DNAJC21: variants seen among roughly 807,000 people sequenced by gnomAD.
The protein encoded by DNAJC21 is DnaJ heat shock protein family (Hsp40) member C21.
DNAJC21 carries 63 observed loss-of-function variants against 72.4 expected under a neutral mutation model. The ratio of observed to expected loss-of-function variants is 0.87; its 90% CI spans 0.71 to 1.07. The LOEUF is 1.07. Ranked by LOEUF, DNAJC21 falls within the 50% of genes least tolerant of loss-of-function variation. The probability of loss-of-function intolerance (pLI) is 0.00; values close to 1 mark genes in which losing one functional copy is unlikely to be tolerated. For synonymous variants in DNAJC21, 203 were observed against 216.7 expected (o/e 0.94, Z 0.56); for missense variants, 634 against 644.8 (o/e 0.98, Z 0.18).
chr5:34,952,364 C>G, intron 10 of DNAJC21: 2 of 603,004 alleles, frequency 3.3e-6, no homozygotes, highest in Non-Finnish European at 4.2e-6. Flanking sequence ...TGGCTGAATC[C>G]TACACAATAT....
chr5:34,949,064 C>T (rs963399286), intron 9 of DNAJC21, among the ~76,000 whole-genome samples: 8 of 152,144 alleles, frequency 5.3e-5, no homozygotes, highest in Non-Finnish European at 2.9e-5. Context: ...GATATTCACA[C>T]AGTCTCAGAG....
chr5:34,935,886 C>G (rs1204445714), intron 3 of DNAJC21, 53 bp downstream of exon 3: 1 of 1,605,416 alleles, frequency 6.2e-7, no homozygotes, highest in African/African-American at 1.3e-5. Context: ...CATTAAGACT[C>G]ACATACAAAG....
At chr5:34,939,391 G>A (rs1010712300) in intron 6 of DNAJC21, among the ~76,000 whole-genome samples, 4 of 151,830 alleles carry the variant, frequency 2.6e-5, no homozygotes, top group African/African-American at 4.8e-5. Context: ...TCAGCCTCCC[G>A]AGTAGCTGGG....
At chr5:34,932,802 A>G (rs1442586445) in intron 1 of DNAJC21, among the ~76,000 whole-genome samples, 3 of 152,222 alleles carry the variant, frequency 2.0e-5, no homozygotes. Context: ...TGCTCATGCT[A>G]TGGCAGCTGG....
Position 34,953,952 on chromosome 5 carries a change from C to T in DNAJC21, c.1385C>T (p.Thr462Ile). 1 of 1,611,436 alleles carries T rather than the reference C, an allele frequency of 6.2e-7. No homozygotes were observed. Among genetic ancestry groups the T allele is most frequent in the South Asian group, 1.1e-5 (1 of 90,298 alleles). The change falls in exon 11 of 12, where the codon ACC (threonine) becomes ATC (isoleucine). Residue 462 changes from threonine to isoleucine, a missense_variant. Physicochemically the swap from Thr to Ile is moderately conservative, Grantham distance 89. Transcript: ENST00000648817. ...GTTCCTAAACCCAAAGGAAAGAAAA[C>T]CAAAGATATGAAAAAACCTGTCAGA... Reference protein sequence around the residue: ...KSVPKPKGKKTKDMKKPVRVP... With the variant: ...KSVPKPKGKKIKDMKKPVRVP...
At position 34,938,950 on chromosome 5, in the gene DNAJC21, T is replaced by C. The variant is rs1764889148; in HGVS notation, c.836T>C (p.Phe279Ser). ...QEMEARYEKE[F>S]GDGSDENEME... ...ATGGAGGCACGGTACGAGAAGGAGT[T>C]TGGAGATGGATCGGATGAAAATGAA... Residue 279 changes from phenylalanine to serine, a missense_variant, in exon 6 of 12, where the codon TTT becomes TCT. Physicochemically the swap from Phe to Ser is radical, Grantham distance 155. Transcript: ENST00000648817. The C allele has an allele frequency of 1.2e-6, 2 of 1,613,914 alleles. No homozygotes were observed. Among genetic ancestry groups the C allele is most frequent in the Non-Finnish European group, 1.7e-6 (2 of 1,179,976 alleles).
At chr5:34,934,289 C>T (rs576520758) in intron 2 of DNAJC21, among the ~76,000 whole-genome samples, 108 of 151,802 alleles carry the variant, frequency 7.1e-4, no homozygotes, top group African/African-American at 2.5e-3. Flanking sequence ...AGTGCAGTGG[C>T]GCAATCTCAG....
chr5:34,940,829 A>AT (rs1482989168), intron 6 of DNAJC21, among the ~76,000 whole-genome samples: 2 of 152,194 alleles, frequency 1.3e-5, no homozygotes, highest in Non-Finnish European at 2.9e-5. Flanking sequence ...GTGGGATTTA[A>AT]TTTTTTAAAC....
Position 34,937,441 on chromosome 5 carries a change from A to G in DNAJC21, c.554A>G (p.Glu185Gly), listed in dbSNP as rs745823347. The G allele has an allele frequency of 2.5e-6, 4 of 1,614,106 alleles. No individual in the cohort carries two copies. In the African/African-American group the frequency reaches 5.3e-5, roughly 22 times the overall value. The change falls in exon 5 of 12, where the codon GAA (glutamate) becomes GGA (glycine). Residue 185 changes from glutamate (E) to glycine (G), a missense_variant. Glu to Gly is a moderately conservative substitution (Grantham distance 98). Transcript: ENST00000648817. ...AACCGCTGGGAAAAACGAGCCATGG[A>G]AAAAGAAAACAAAAAGATTCGGGAC... Reference protein sequence around the residue: ...ASNRWEKRAMEKENKKIRDKA... With the variant: ...ASNRWEKRAMGKENKKIRDKA...
intron 1 of DNAJC21, among the ~76,000 whole-genome samples, chr5:34,931,629 A>G (rs535840603): frequency 9.7e-4 from 148 of 152,070 alleles, no homozygotes; most frequent in African/African-American, 3.4e-3. Flanking sequence ...GGACTGTGAA[A>G]TTTGCTTCGC....
At chr5:34,949,857 T>C in intron 9 of DNAJC21, among the ~76,000 whole-genome samples, 1 of 152,238 alleles carries the variant, frequency 6.6e-6, no homozygotes, top group Middle Eastern at 3.2e-3. Context: ...GATTACACTA[T>C]GTATAATTTT....
intron 1 of DNAJC21, among the ~76,000 whole-genome samples, chr5:34,931,152 AC>A (rs1319843479): frequency 1.3e-5 from 2 of 152,166 alleles, no homozygotes; most frequent in Non-Finnish European, 2.9e-5. Flanking sequence ...AAGGTCAGGG[AC>A]CCAAAGTCAA....
chr5:34,930,401 C>T (rs1235090858), intron 1 of DNAJC21: 1 of 152,210 alleles, frequency 6.6e-6, no homozygotes, highest in East Asian at 1.9e-4. Flanking sequence ...AGTTAAGACA[C>T]GGGAGCTAGT....
At chr5:34,944,767 GAA>G (rs1370917030) in intron 7 of DNAJC21, 98 bp from the exon 8 acceptor site, 1 of 1,525,982 alleles carries the variant, frequency 6.6e-7, no homozygotes, top group Admixed American at 2.3e-5. Context: ...TGCTTAGTGG[GAA>G]AAAAGCTAAT....
intron 5 of DNAJC21, among the ~76,000 whole-genome samples, chr5:34,938,232 G>A (rs1201381525): frequency 1.3e-5 from 2 of 152,110 alleles, no homozygotes; most frequent in East Asian, 3.9e-4. Context: ...GCAAGGCCAC[G>A]TTCTAAGTGC....
At chr5:34,936,638 T>C (rs1316841034) in intron 4 of DNAJC21, among the ~76,000 whole-genome samples, 1 of 152,230 alleles carries the variant, frequency 6.6e-6, no homozygotes, top group African/African-American at 2.4e-5. Flanking sequence ...AACAATTGGT[T>C]CTAGTTCTCG....
At chr5:34,940,466 A>G (rs930819810) in intron 6 of DNAJC21, among the ~76,000 whole-genome samples, 3 of 152,202 alleles carry the variant, frequency 2.0e-5, no homozygotes, top group African/African-American at 7.2e-5. Context: ...TAAATCCCAA[A>G]TGACAGTTTA....
At chr5:34,937,743 T>C (rs1580527405) in intron 5 of DNAJC21, 113 bp downstream of exon 5, 1 of 1,245,892 alleles carries the variant, frequency 8.0e-7, no homozygotes, top group Non-Finnish European at 1.1e-6. Flanking sequence ...TTTATCCTGC[T>C]TTTTCTTCTT....
Position 34,937,316 on chromosome 5 carries a change from T to A in DNAJC21, c.439-10T>A. ...AAGCGCAGAAGTTAATCTGTTTTCT[T>A]TGTCACTAGGTAGTCCATCCTTTCT... On this transcript the variant is annotated splice_polypyrimidine_tract_variant and intron_variant, in intron 4 of 11. Coordinates refer to ENST00000648817, the MANE Select transcript of DNAJC21 (RefSeq NM_001012339.3). 6.3e-7 allele frequency: 1 copy of A among 1,577,802 alleles called. No individual in the cohort carries two copies. Among genetic ancestry groups the A allele is most frequent in the Non-Finnish European group, 8.6e-7 (1 of 1,165,894 alleles).
Sources: gnomAD v4.1 joint callset for allele counts (sites outside exome capture counted in the v4.1 genomes callset) on GRCh38, gnomAD v4.1.1 for gene constraint, MANE v1.5 for transcripts, NCBI Gene and HGNC (gene_info 2026-07-23, HGNC 2026-07-21) for gene names.